Variants in RYR2 observed in about 807,000 individuals in gnomAD.
RYR2 encodes cardiac muscle ryanodine receptor-calcium release channel.
RYR2 carries 227 observed loss-of-function variants against 601.1 expected under a neutral mutation model. The ratio of observed to expected loss-of-function variants is 0.38; its 90% CI spans 0.34 to 0.42. RYR2 has a LOEUF of 0.42. Among genes scored for constraint, RYR2 ranks in the 10% least tolerant of loss-of-function variants. The probability of loss-of-function intolerance (pLI) is 1.00; values close to 1 mark genes in which losing one functional copy is unlikely to be tolerated. For synonymous variants in RYR2, 2,223 were observed against 2,175.1 expected, an observed-to-expected ratio of 1.02 and a Z score of -0.61; for missense variants, 4,646 against 6,156.5, an observed-to-expected ratio of 0.75 and a Z score of 8.21.
intron 44 of RYR2, among the ~76,000 whole-genome samples, chr1:237,636,655 A>G (rs376537431): frequency 1.1e-4 from 16 of 152,204 alleles, no homozygotes; most frequent in African/African-American, 3.6e-4. Context: ...CATAAACTAT[A>G]TGCCTAGCCT....
chr1:237,566,478 T>G, intron 27 of RYR2, 89 bp from the exon 28 acceptor site: 74 of 1,269,636 alleles, frequency 5.8e-5, no homozygotes, highest in Non-Finnish European at 7.2e-5. Flanking sequence ...AAAGTCGTGA[T>G]TTATCTTTCC....
At chr1:237,568,820 A>G (rs1236314813) in intron 28 of RYR2, among the ~76,000 whole-genome samples, 3 of 152,216 alleles carry the variant, frequency 2.0e-5, no homozygotes, top group African/African-American at 7.2e-5. Flanking sequence ...GAAAAATGAT[A>G]TATTCTAAAG....
At chr1:237,426,138 A>G (rs945673842) in intron 12 of RYR2, among the ~76,000 whole-genome samples, 1 of 152,150 alleles carries the variant, frequency 6.6e-6, no homozygotes, top group African/African-American at 2.4e-5. Flanking sequence ...AAAAGACAGT[A>G]TCCTGAATGA....
rs757068823 is a variant in RYR2 at position 237,784,903 on chromosome 1, T to A, written c.13191T>A (p.Asn4397Lys). ...EGGQYKLIPH[N>K]PNAGLSDLMS... ...GACAGTACAAACTGATTCCTCATAA[T>A]CCAAATGCTGGGCTCAGTGACCTCA... Residue 4397 changes from asparagine (N) to lysine (K), a missense_variant, in exon 90 of 105, where the codon AAT (asparagine) becomes AAA (lysine). Physicochemically the swap from Asn to Lys is moderately conservative, Grantham distance 94. Coordinates refer to ENST00000366574, the MANE Select transcript of RYR2 (RefSeq NM_001035.3). The surrounding 1 kb of genome is among the most constrained non-coding windows in gnomAD (Gnocchi z 7.1). 6.2e-7 allele frequency: 1 copy of A among 1,611,862 alleles called. No individual in the cohort carries two copies. Among genetic ancestry groups the A allele is most frequent in the Non-Finnish European group, 8.5e-7 (1 of 1,178,934 alleles).
At chr1:237,245,779 G>GT (rs1231597910) in intron 1 of RYR2, among the ~76,000 whole-genome samples, 1 of 152,056 alleles carries the variant, frequency 6.6e-6, no homozygotes, top group African/African-American at 2.4e-5. Flanking sequence ...GTTTTGATCT[G>GT]TTTTTTCTTT....
intron 79 of RYR2, among the ~76,000 whole-genome samples, chr1:237,735,980 G>A (rs2149184667): frequency 6.6e-6 from 1 of 152,190 alleles, no homozygotes; most frequent in Middle Eastern, 3.4e-3. Flanking sequence ...TATGTTTAAA[G>A]TAACATAAAA....
At chr1:237,420,159 G>C (rs1705408047) in intron 11 of RYR2, among the ~76,000 whole-genome samples, 1 of 152,022 alleles carries the variant, frequency 6.6e-6, no homozygotes, top group Non-Finnish European at 1.5e-5. Context: ...TTAATAAATG[G>C]TTTTAATGTA....
rs1000928595 is a variant in RYR2, at chr1:237,365,477, A to G, written c.309+1105A>G. ...AGCCATCTATCAACCAGGACGTGGA[A>G]CATCTTCCAGAATTTCAAATAACTC... On this transcript the variant is annotated intron_variant, in intron 5 of 104. Coordinates refer to ENST00000366574, the MANE Select transcript of RYR2 (RefSeq NM_001035.3). Among the ~76,000 whole-genome samples the G allele has an allele frequency of 6.6e-5, 10 of 152,348 alleles. No homozygotes were observed. The East Asian group carries it at 1.9e-3, about 29-fold the overall frequency.
intron 1 of RYR2, among the ~76,000 whole-genome samples, chr1:237,074,729 T>G (rs1297351298): frequency 6.6e-6 from 1 of 152,016 alleles, no homozygotes; most frequent in Non-Finnish European, 1.5e-5. Context: ...AGTGTAAGAG[T>G]CTGTCTTGTG....
intron 80 of RYR2, chr1:237,743,726 A>C (rs1298095317): frequency 2.2e-6 from 1 of 450,462 alleles, no homozygotes; most frequent in African/African-American, 2.0e-5. Flanking sequence ...TGTGAAAAGG[A>C]GGTCTTGAAA....
intron 29 of RYR2, among the ~76,000 whole-genome samples, chr1:237,573,987 C>G (rs1415360267): frequency 2.0e-5 from 3 of 152,088 alleles, no homozygotes; most frequent in African/African-American, 2.4e-5. Context: ...TCCCTCAACT[C>G]CTCCTCAAAA....
Position 237,819,913 on chromosome 1 carries a change from G to A in RYR2, c.14590+721G>A, listed in dbSNP as rs4659809. On this transcript the variant is annotated intron_variant, in intron 101 of 104. Coordinates refer to ENST00000366574, the MANE Select transcript of RYR2 (RefSeq NM_001035.3). This position sits in a 1 kb window ranked among gnomAD's most constrained non-coding sequence, Gnocchi z 4.0. ...TTTAAAAATGACATACAGGCCAGGC[G>A]CAGGGGCTCACGCCTGTAATCCCAG... 0.38 allele frequency among the ~76,000 whole-genome samples: 58,160 copies of A among 151,746 alleles called. 11,435 individuals carry two copies. Among genetic ancestry groups the A allele is most frequent in the African/African-American group, 0.47 (19,453 of 41,376 alleles).
rs114511460 is a variant in RYR2, at chr1:237,433,751, T to A, written c.1006-7568T>A. On this transcript the variant is annotated intron_variant, in intron 12 of 104. Transcript: ENST00000366574. ...CATTTCCCATGAAGAAGAGTTATACTGTGGAAGGCAAACACTTTTTAAAAA... is the reference window on the plus strand; with the variant it reads ...CATTTCCCATGAAGAAGAGTTATACAGTGGAAGGCAAACACTTTTTAAAAA... Among the ~76,000 whole-genome samples the A allele has an allele frequency of 2.7e-3, 414 of 152,288 alleles. 5 individuals carry two copies. The highest frequency in any genetic ancestry group is 9.5e-3 in the African/African-American group (395 of 41,572).
chr1:237,667,607 T>C (rs547475469), intron 57 of RYR2, among the ~76,000 whole-genome samples: 1 of 152,318 alleles, frequency 6.6e-6, no homozygotes, highest in South Asian at 2.1e-4. Flanking sequence ...TTTTCTGAAG[T>C]CCATAGCTAT....
At position 237,792,183 on chromosome 1, in the gene RYR2, G is replaced by C. The variant is rs1658455793; in HGVS notation, c.13642G>C (p.Asp4548His). ...SSENAKVTSL[D>H]SSSHRIIAVH... ...TGAAAATGCCAAAGTGACAAGCCTG[G>C]ACAGCAGCTCCCATAGAATCATCGC... is the stretch of plus-strand genomic sequence containing the variant. The change falls in exon 94 of 105, where the codon GAC becomes CAC. Residue 4548 changes from aspartate (D) to histidine (H), a missense_variant. Physicochemically the swap from Asp to His is moderately conservative, Grantham distance 81. Around this residue, in one of 17 missense-constraint regions of RYR2, gnomAD observed 364 missense variants for 442.9 expected, o/e 0.82. Coordinates refer to ENST00000366574, the MANE Select transcript of RYR2 (RefSeq NM_001035.3). 6.2e-7 allele frequency: 1 copy of C among 1,613,306 alleles called. No individual in the cohort carries two copies. The highest frequency in any genetic ancestry group is 8.5e-7 in the Non-Finnish European group (1 of 1,179,660).
At position 237,042,429 on chromosome 1, in the gene RYR2, C is replaced by G. The variant is rs1426804600; in HGVS notation, c.-93C>G. 3 of 1,166,708 alleles carry G rather than the reference C, an allele frequency of 2.6e-6. No individual in the cohort carries two copies. The highest frequency in any genetic ancestry group is 3.2e-6 in the Non-Finnish European group (3 of 927,180). The allele number at this position is 1,166,708 out of a possible 1,614,324, so 72.3% of individuals were successfully genotyped here. A position where few individuals can be genotyped will look rare whatever the true frequency, so the allele number is the denominator to read the frequency against. ...GCGGCCCCCTCCAGCCCCCGGCTCC[C>G]GGCAGCAGAAGCAGAAGGCAGCGCC... On this transcript the variant is annotated 5_prime_UTR_variant, in exon 1 of 105. Transcript: ENST00000366574.
At chr1:237,503,716 C>T (rs1411745151) in intron 22 of RYR2, among the ~76,000 whole-genome samples, 4 of 152,000 alleles carry the variant, frequency 2.6e-5, no homozygotes, top group Admixed American at 6.5e-5. Context: ...TTTTTGTTGT[C>T]GTTGTTGTTG....
At chr1:237,201,647 A>G (rs1473430661) in intron 1 of RYR2, among the ~76,000 whole-genome samples, 1 of 152,034 alleles carries the variant, frequency 6.6e-6, no homozygotes, top group Non-Finnish European at 1.5e-5. Flanking sequence ...TATCATCGTC[A>G]TTATCATCAT....
chr1:237,288,812 C>T (rs1235404049), intron 2 of RYR2, among the ~76,000 whole-genome samples: 1 of 152,136 alleles, frequency 6.6e-6, no homozygotes, highest in South Asian at 2.1e-4. Flanking sequence ...GCACCCTCCC[C>T]TGAGTTCTGG....
Sources: allele counts gnomAD v4.1 joint callset (sites outside exome capture counted in the v4.1 genomes callset), GRCh38; gene constraint gnomAD v4.1.1; regional missense constraint gnomAD v4.1.1; non-coding constraint Gnocchi (gnomAD v3.1); transcripts MANE v1.5; gene names NCBI Gene and HGNC (gene_info 2026-07-23, HGNC 2026-07-21).